The following ARHGEF10 variants were observed in gnomAD, a reference collection of about 807,000 sequenced individuals.
ARHGEF10 encodes Rho guanine nucleotide exchange factor (GEF) 10.
Under a neutral mutation model 147.4 loss-of-function variants are expected in ARHGEF10, and 140 were observed. The ratio of observed to expected loss-of-function variants is 0.95; its 90% confidence interval spans 0.83 to 1.09. The LOEUF (loss-of-function observed/expected upper bound fraction) is 1.09. ARHGEF10 is among the 50% of genes least tolerant of loss of function. ARHGEF10 has a pLI of 0.00. For synonymous variants in ARHGEF10, 902 were observed against 695.8 expected (o/e 1.30, Z -4.67); for missense variants, 2,222 against 1,752.7 (o/e 1.27, Z -4.78).
At chr8:1,946,990 C>T (rs1479442088) in intron 27 of ARHGEF10, among the ~76,000 whole-genome samples, 1 of 152,220 alleles carries the variant, frequency 6.6e-6, no homozygotes, top group Non-Finnish European at 1.5e-5. Context: ...GTTTATGTAA[C>T]ATGCAAGTTT....
rs1563137293 is a variant in ARHGEF10, at chr8:1,824,006, G to GACGCGGGGGACGGCGGGGA, written c.-152_-151insCGGGGGACGGCGGGGAACG. ...CGCGGGGGACGCGGGGGACGCGGGGGACGGCGGGGAACGGCGGGGGACGGC... is the reference window on the plus strand; with the variant it reads ...CGCGGGGGACGCGGGGGACGCGGGGGACGCGGGGGACGGCGGGGAACGGCGGGGAACGGCGGGGGACGGC... On this transcript the variant is annotated 5_prime_UTR_variant, in exon 1 of 29. Coordinates refer to ENST00000349830, the MANE Select transcript of ARHGEF10 (RefSeq NM_014629.4). 11 of 131,824 alleles carry GACGCGGGGGACGGCGGGGA rather than the reference G, an allele frequency of 8.3e-5. No homozygotes were observed. The South Asian group carries it at 1.5e-3, about 18-fold the overall frequency. The allele number at this position is 131,824 out of a possible 1,614,324, so 8.2% of individuals were successfully genotyped here.
At chr8:1,939,814 A>G (rs1348790048) in intron 26 of ARHGEF10, among the ~76,000 whole-genome samples, 3 of 152,128 alleles carry the variant, frequency 2.0e-5, no homozygotes, top group Non-Finnish European at 2.9e-5. Context: ...GCTCCCGGGG[A>G]CTGGGGGGAA....
intron 2 of ARHGEF10, among the ~76,000 whole-genome samples, chr8:1,848,333 C>T (rs1423671551): frequency 6.6e-6 from 1 of 152,162 alleles, no homozygotes; most frequent in Non-Finnish European, 1.5e-5. Context: ...TGATTCCTTT[C>T]TATAGACGAG....
chr8:1,865,189 G>C (rs970856352), intron 5 of ARHGEF10, among the ~76,000 whole-genome samples: 4 of 152,216 alleles, frequency 2.6e-5, no homozygotes, highest in Admixed American at 6.5e-5. Flanking sequence ...AATGCTCCTT[G>C]GTGATGTGAT....
intron 4 of ARHGEF10, among the ~76,000 whole-genome samples, chr8:1,861,026 G>A (rs1181703991): frequency 2.6e-5 from 4 of 152,186 alleles, no homozygotes; most frequent in South Asian, 2.1e-4. Flanking sequence ...GCTCAGAGTC[G>A]GCCACTGAGG....
intron 17 of ARHGEF10, among the ~76,000 whole-genome samples, chr8:1,907,061 T>G (rs1428484030): frequency 6.6e-6 from 1 of 152,168 alleles, no homozygotes; most frequent in Non-Finnish European, 1.5e-5. Context: ...CACCCTGCGT[T>G]GGAGAGGAGC....
At chr8:1,936,397 A>G (rs1813608684) in intron 26 of ARHGEF10, among the ~76,000 whole-genome samples, 1 of 152,072 alleles carries the variant, frequency 6.6e-6, no homozygotes, top group African/African-American at 2.4e-5. Context: ...TGCCTGTAGG[A>G]TATTCGGGAG....
intron 27 of ARHGEF10, among the ~76,000 whole-genome samples, chr8:1,947,731 A>T (rs1326423665): frequency 8.7e-6 from 1 of 114,794 alleles, no homozygotes; most frequent in African/African-American, 3.3e-5. Context: ...CACTGTCAGC[A>T]CCCGCCCCGG....
At chr8:1,900,958 T>G (rs541497503) in intron 15 of ARHGEF10, among the ~76,000 whole-genome samples, 16 of 152,208 alleles carry the variant, frequency 1.1e-4, no homozygotes, top group African/African-American at 3.4e-4. Context: ...ATCCTAGATG[T>G]GCCGAGCAGT....
In ARHGEF10 at chr8:1,898,501, C is replaced by T. The variant is rs1256232689; in HGVS notation, c.1626C>T (p.Phe542=). The T allele has an allele frequency of 4.3e-6, 7 of 1,614,120 alleles. No homozygotes were observed. The highest frequency in any genetic ancestry group is 4.5e-5 in the East Asian group (2 of 44,862). Residue 542 remains phenylalanine, a synonymous_variant, in exon 15 of 29, where the codon TTC becomes TTT. Coordinates refer to ENST00000349830, the MANE Select transcript of ARHGEF10 (RefSeq NM_014629.4). ...TGATGATGAAGCCCATCCAGAGGTT[C>T]CCACAGTTCATCCTCCTGCTCCAGG... is the stretch of plus-strand genomic sequence containing the variant. The part of the protein sequence containing the change: ...YSLMMKPIQR[F]PQFILLLQDM...
chr8:1,859,789 TG>T, intron 3 of ARHGEF10, 107 bp from the exon 4 acceptor site: 1 of 1,372,648 alleles, frequency 7.3e-7, no homozygotes. Context: ...GGTCCTGGCA[TG>T]GGATGATGGT....
intron 7 of ARHGEF10, among the ~76,000 whole-genome samples, chr8:1,873,241 G>C (rs990698418): frequency 6.6e-6 from 1 of 152,226 alleles, no homozygotes; most frequent in Non-Finnish European, 1.5e-5. Flanking sequence ...TGCGGACCGG[G>C]AGACGGGAAA....
chr8:1,858,205 T>TCCCCAGGTGG (rs1395408568), intron 3 of ARHGEF10, 90 bp downstream of exon 3: 2 of 1,231,442 alleles, frequency 1.6e-6, no homozygotes, highest in African/African-American at 3.1e-5. Flanking sequence ...ACCAGGTGAG[T>TCCCCAGGTGG]TCCCAGGTGA....
chr8:1,933,321 C>G (rs1813302988), intron 25 of ARHGEF10, among the ~76,000 whole-genome samples: 1 of 152,140 alleles, frequency 6.6e-6, no homozygotes, highest in Non-Finnish European at 1.5e-5. Flanking sequence ...GGATGCAGTT[C>G]CTTTTAATGA....
At chr8:1,902,314 A>C (rs776430877) in intron 15 of ARHGEF10, among the ~76,000 whole-genome samples, 1 of 152,204 alleles carries the variant, frequency 6.6e-6, no homozygotes, top group Non-Finnish European at 1.5e-5. Context: ...TGGGAAACAA[A>C]AGGCCCTGCA....
At chr8:1,928,766 A>G (rs1812884025) in intron 24 of ARHGEF10, 116 bp downstream of exon 24, 1 of 1,187,692 alleles carries the variant, frequency 8.4e-7, no homozygotes, top group African/African-American at 1.5e-5. Flanking sequence ...CCCGTGCAGG[A>G]ATTAGGGGAT....
chr8:1,847,638 GCCT>G (rs1338423792), intron 2 of ARHGEF10, among the ~76,000 whole-genome samples: 1 of 152,122 alleles, frequency 6.6e-6, no homozygotes, highest in Non-Finnish European at 1.5e-5. Context: ...TTCTGGGGAG[GCCT>G]CCTTCAGCAC....
At position 1,936,636 on chromosome 8, in the gene ARHGEF10, C is replaced by T. The variant is rs568376509; in HGVS notation, c.3222+2694C>T. Among the ~76,000 whole-genome samples, 17 of 152,164 alleles carry T rather than the reference C, an allele frequency of 1.1e-4. 1 individual carries two copies. The highest frequency in any genetic ancestry group is 8.8e-5 in the Non-Finnish European group (6 of 68,042). ...TCTAATGACTAAATCTACACAAATC[C>T]AGAAAGAAATGTTATCATTAAGAGC... On this transcript the variant is annotated intron_variant, in intron 26 of 28. Coordinates refer to ENST00000349830, the MANE Select transcript of ARHGEF10 (RefSeq NM_014629.4).
intron 1 of ARHGEF10, among the ~76,000 whole-genome samples, chr8:1,827,304 G>C (rs1179860838): frequency 1.3e-5 from 2 of 152,190 alleles, no homozygotes; most frequent in African/African-American, 4.8e-5. Flanking sequence ...TCCAAATTTT[G>C]ATAAAAAAGT....
Sources: gnomAD v4.1 joint callset for allele counts (sites outside exome capture counted in the v4.1 genomes callset) on GRCh38, gnomAD v4.1.1 for gene constraint, MANE v1.5 for transcripts, NCBI Gene and HGNC (gene_info 2026-07-23, HGNC 2026-07-21) for gene names.